Variants in CHAF1B observed in about 807,000 individuals in gnomAD.
CHAF1B encodes the protein CAF-1 subunit B.
Under a neutral mutation model 60.7 loss-of-function variants are expected in CHAF1B, and 10 were observed. The ratio of observed to expected loss-of-function variants is 0.16; its 90% CI spans 0.10 to 0.28. The LOEUF is 0.28. Among genes scored for constraint, CHAF1B ranks in the 10% least tolerant of loss-of-function variants. CHAF1B has a pLI of 1.00. For synonymous variants in CHAF1B, 261 were observed against 266.1 expected (o/e 0.98, Z 0.19); for missense variants, 558 against 708.4 (o/e 0.79, Z 2.41).
intron 3 of CHAF1B, 92 bp from the exon 4 acceptor site, chr21:36,391,459 G>A (rs147616559): frequency 0.022 from 15,469 of 717,292 alleles, 290 homozygotes; most frequent in Admixed American, 0.058. Context: ...GTGAGACTCC[G>A]TCTCAAAAAA....
chr21:36,393,577 G>A (rs2086111701), intron 4 of CHAF1B, among the ~76,000 whole-genome samples: 1 of 149,334 alleles, frequency 6.7e-6, no homozygotes, highest in East Asian at 2.0e-4. Context: ...TCAGCCTCCC[G>A]AGTAGCTGGG....
At chr21:36,407,450 G>C (rs1049579043) in intron 8 of CHAF1B, among the ~76,000 whole-genome samples, 1 of 152,120 alleles carries the variant, frequency 6.6e-6, no homozygotes, top group African/African-American at 2.4e-5. Flanking sequence ...AAAAAATAAT[G>C]CATCAGTGCT....
Position 36,416,461 on chromosome 21 carries a change from G to A in CHAF1B, c.*95G>A. The A allele has an allele frequency of 1.1e-6, 1 of 878,110 alleles. No homozygotes were observed. The highest frequency in any genetic ancestry group is 1.7e-6 in the Non-Finnish European group (1 of 571,622). 54.4% of individuals were successfully genotyped at this position (878,110 alleles called of 1,614,324 possible). ...TGCCTGAGACCAGGGCTTCCATGGA[G>A]CGGGACACACTGTAAATGGATTTCT... On this transcript the variant is annotated 3_prime_UTR_variant, in exon 14 of 14. Coordinates refer to ENST00000314103, the MANE Select transcript of CHAF1B (RefSeq NM_005441.3).
chr21:36,400,038 G>A (rs1157588617), intron 7 of CHAF1B, among the ~76,000 whole-genome samples: 2 of 152,164 alleles, frequency 1.3e-5, no homozygotes, highest in Non-Finnish European at 2.9e-5. Flanking sequence ...TTAGCCAGCT[G>A]TGGTGGTGCA....
At chr21:36,409,608 T>A (rs2086261907) in intron 10 of CHAF1B, 143 bp downstream of exon 10, 2 of 436,516 alleles carry the variant, frequency 4.6e-6, no homozygotes, top group Non-Finnish European at 8.2e-6. Flanking sequence ...ATATTTTATT[T>A]TTACATTTAA....
At chr21:36,396,489 T>A (rs756604096) in intron 5 of CHAF1B, among the ~76,000 whole-genome samples, 10 of 147,826 alleles carry the variant, frequency 6.8e-5, no homozygotes, top group Non-Finnish European at 1.2e-4. Flanking sequence ...GGCAAAACCC[T>A]CTCTCTACCA....
At chr21:36,408,864 A>G in intron 9 of CHAF1B, 34 bp downstream of exon 9, 1 of 1,496,234 alleles carries the variant, frequency 6.7e-7, no homozygotes, top group Non-Finnish European at 9.3e-7. Flanking sequence ...AAATGTTTAC[A>G]TTTTTTTTAG....
chr21:36,386,549 G>A lies in CHAF1B; in HGVS notation c.126+287G>A, dbSNP rs566723344. Among the ~76,000 whole-genome samples, 418 of 152,206 alleles carry A rather than the reference G, an allele frequency of 2.7e-3. 2 individuals are homozygous for A. The highest frequency in any genetic ancestry group is 3.5e-3 in the Non-Finnish European group (239 of 68,016). Reference sequence around the variant, plus strand: ...AGCCTAGGAGTTTGAAGCAAGCAACGATCACTCCACTGCACTCCAGCCTGG... The same window carrying A: ...AGCCTAGGAGTTTGAAGCAAGCAACAATCACTCCACTGCACTCCAGCCTGG... On this transcript the variant is annotated intron_variant, in intron 2 of 13. Coordinates refer to ENST00000314103, the MANE Select transcript of CHAF1B (RefSeq NM_005441.3).
chr21:36,410,277 C>G (rs1193266647), intron 10 of CHAF1B, among the ~76,000 whole-genome samples: 3 of 152,120 alleles, frequency 2.0e-5, no homozygotes, highest in Non-Finnish European at 4.4e-5. Context: ...TCTTTGTTTT[C>G]TTGTGCTTGG....
rs751127310 is a variant in CHAF1B, at chr21:36,402,752, C to A, written c.664-6C>A. 1.2e-6 allele frequency: 2 copies of A among 1,604,044 alleles called. No homozygotes were observed. The highest frequency in any genetic ancestry group is 1.7e-5 in the Admixed American group (1 of 58,462). On this transcript the variant is annotated splice_polypyrimidine_tract_variant and splice_region_variant and intron_variant, in intron 7 of 13. Transcript: ENST00000314103. Reference sequence around the variant, plus strand: ...AAATAATAAAAATAAATTTTGTGTGCGACAGGCAAGAAGCTACCGGATGTT... The same window carrying A: ...AAATAATAAAAATAAATTTTGTGTGAGACAGGCAAGAAGCTACCGGATGTT...
At chr21:36,395,212 G>C (rs2086127276) in intron 5 of CHAF1B, among the ~76,000 whole-genome samples, 1 of 151,130 alleles carries the variant, frequency 6.6e-6, no homozygotes, top group South Asian at 2.1e-4. Flanking sequence ...ACCACACCTG[G>C]CTAATTTTTG....
At chr21:36,386,658 C>T (rs557666812) in intron 2 of CHAF1B, among the ~76,000 whole-genome samples, 1 of 151,998 alleles carries the variant, frequency 6.6e-6, no homozygotes, top group East Asian at 1.9e-4. Flanking sequence ...GTCATCTAGC[C>T]CAGAATGCTA....
chr21:36,386,940 CTGACCTCAGGTGAT>C (rs1433423049), intron 2 of CHAF1B, among the ~76,000 whole-genome samples: 1 of 152,172 alleles, frequency 6.6e-6, no homozygotes, highest in Non-Finnish European at 1.5e-5. Flanking sequence ...TCTCAAACTC[CTGACCTCAGGTGAT>C]CCACCCACCT....
chr21:36,408,724 AC>A (rs746343577), intron 8 of CHAF1B, 36 bp from the exon 9 acceptor site: 1 of 1,483,356 alleles, frequency 6.7e-7, no homozygotes, highest in South Asian at 1.1e-5. Context: ...TGAAACAGTG[AC>A]TTTTCTTTCC....
At chr21:36,403,873 T>C (rs771613291) in intron 8 of CHAF1B, among the ~76,000 whole-genome samples, 2 of 152,136 alleles carry the variant, frequency 1.3e-5, no homozygotes, top group Non-Finnish European at 2.9e-5. Context: ...GAGGGCACTG[T>C]CTTGGTTTGC....
chr21:36,408,307 C>T (rs926691381), intron 8 of CHAF1B, among the ~76,000 whole-genome samples: 3 of 152,074 alleles, frequency 2.0e-5, no homozygotes, highest in African/African-American at 7.2e-5. Context: ...CTGGCAGCCT[C>T]ATGGCTGGAT....
rs184897957 is a variant in CHAF1B at position 36,404,160 on chromosome 21, C to T, written c.757+1309C>T. Among the ~76,000 whole-genome samples, 301 of 146,566 alleles carry T rather than the reference C, an allele frequency of 2.1e-3. 1 individual carries two copies. Among genetic ancestry groups the T allele is most frequent in the African/African-American group, 7.3e-3 (286 of 39,258 alleles). On this transcript the variant is annotated intron_variant, in intron 8 of 13. Transcript: ENST00000314103. ...GTTGCCCAGCTGGAGTGCAGTGGCA[C>T]GATCTTGGCTCACCACTGCAGCCTC... is the stretch of plus-strand genomic sequence containing the variant.
chr21:36,397,575 G>A (rs2086152222), intron 6 of CHAF1B, 64 bp downstream of exon 6: 1 of 852,970 alleles, frequency 1.2e-6, no homozygotes. Flanking sequence ...TCTGAAGAGA[G>A]GTATTTATCG....
chr21:36,395,325 G>A (rs1244594730), intron 5 of CHAF1B, among the ~76,000 whole-genome samples: 3 of 152,236 alleles, frequency 2.0e-5, no homozygotes, highest in Non-Finnish European at 4.4e-5. Context: ...TGGGATTACA[G>A]GCATGAGCCA....
Sources: gnomAD v4.1 joint callset for allele counts (sites outside exome capture counted in the v4.1 genomes callset) on GRCh38, gnomAD v4.1.1 for gene constraint, MANE v1.5 for transcripts, NCBI Gene and HGNC (gene_info 2026-07-23, HGNC 2026-07-21) for gene names.